The following KCNMB4 variants were observed in gnomAD, a reference collection of about 807,000 sequenced individuals.
KCNMB4 encodes potassium calcium-activated channel subfamily M regulatory beta subunit 4, also known as calcium-activated potassium channel subunit beta-4.
Under a neutral mutation model 20.7 loss-of-function variants are expected in KCNMB4, and 3 were observed. The observed-to-expected ratio is 0.14, with a 90% CI of 0.07 to 0.37. The LOEUF is 0.37. Among genes scored for constraint, KCNMB4 ranks in the 10% least tolerant of loss-of-function variants. KCNMB4 has a pLI of 1.00. For synonymous variants in KCNMB4, 110 were observed against 113.4 expected, an observed-to-expected ratio of 0.97 and a Z score of 0.19; for missense variants, 168 against 265.9, an observed-to-expected ratio of 0.63 and a Z score of 2.56.
chr12:70,421,051 CA>C (rs5798982), intron 2 of KCNMB4, among the ~76,000 whole-genome samples: 66,859 of 119,772 alleles, frequency 0.56, 15,730 homozygotes, highest in Middle Eastern at 0.66. Flanking sequence ...GACTCCGTCT[CA>C]AAAAAAAAAA....
chr12:70,392,719 A>G (rs1212247597), intron 1 of KCNMB4, among the ~76,000 whole-genome samples: 2 of 152,192 alleles, frequency 1.3e-5, no homozygotes, highest in Non-Finnish European at 2.9e-5. Flanking sequence ...ATTCTCAGCA[A>G]ACTAACACAG....
intron 1 of KCNMB4, among the ~76,000 whole-genome samples, chr12:70,395,047 A>G (rs1015589852): frequency 3.3e-5 from 5 of 152,126 alleles, no homozygotes; most frequent in Admixed American, 3.3e-4. Context: ...TGTCAAAAGT[A>G]TCACTAAAAT....
intron 2 of KCNMB4, among the ~76,000 whole-genome samples, chr12:70,422,393 A>T (rs961360837): frequency 9.9e-5 from 15 of 152,206 alleles, no homozygotes; most frequent in Admixed American, 7.2e-4. Flanking sequence ...TTCTGATGAA[A>T]TCAATGAATT....
chr12:70,388,311 ATACTGATTTC>A (rs1868273335), intron 1 of KCNMB4, among the ~76,000 whole-genome samples: 1 of 152,172 alleles, frequency 6.6e-6, no homozygotes, highest in African/African-American at 2.4e-5. Context: ...TTTCTTTGAT[ATACTGATTTC>A]TTTTCTTTTG....
chr12:70,395,135 T>C (rs1868340000), intron 1 of KCNMB4, among the ~76,000 whole-genome samples: 1 of 127,930 alleles, frequency 7.8e-6, no homozygotes, highest in African/African-American at 3.6e-5. Flanking sequence ...ATTAAACATG[T>C]GTTCCAGTAG....
rs931862398 is a variant in KCNMB4 at position 70,431,766 on chromosome 12, G to T, written c.*1113G>T. On this transcript the variant is annotated 3_prime_UTR_variant, in exon 3 of 3. Coordinates refer to ENST00000258111, the MANE Select transcript of KCNMB4 (RefSeq NM_014505.6). The stretch of plus-strand genomic sequence containing the variant: ...AAACTCAAATTCCAAGTATCAAATC[G>T]CAGGTCTCAGTGAACATCAAACCTA... 6 of 152,020 alleles carry T rather than the reference G, an allele frequency of 3.9e-5. No individual in the cohort carries two copies. Among genetic ancestry groups the T allele is most frequent in the African/African-American group, 1.4e-4 (6 of 41,394 alleles). 9.4% of individuals were successfully genotyped at this position (152,020 alleles called of 1,614,324 possible).
chr12:70,391,423 C>G (rs1044255416), intron 1 of KCNMB4, among the ~76,000 whole-genome samples: 6 of 152,046 alleles, frequency 3.9e-5, no homozygotes, highest in African/African-American at 1.2e-4. Context: ...ACCTCTCAAT[C>G]TCCTGACTAA....
intron 1 of KCNMB4, among the ~76,000 whole-genome samples, chr12:70,392,488 A>C (rs1448892333): frequency 6.6e-6 from 1 of 152,228 alleles, no homozygotes; most frequent in Non-Finnish European, 1.5e-5. Flanking sequence ...TACTGGGTGT[A>C]TACCCAAAGG....
Position 70,400,410 on chromosome 12 carries a change from A to G in KCNMB4, c.464+74A>G. On this transcript the variant is annotated intron_variant, in intron 2 of 2. Transcript: ENST00000258111. Reference sequence around the variant, plus strand: ...AGCTTATTACACTGTTATATCGTAGATTATGCCCACTTGACAGCATGGAGA... The same window carrying G: ...AGCTTATTACACTGTTATATCGTAGGTTATGCCCACTTGACAGCATGGAGA... 4.2e-6 allele frequency: 6 copies of G among 1,430,050 alleles called. 1 individual carries two copies. The highest frequency in any genetic ancestry group is 5.6e-6 in the Non-Finnish European group (6 of 1,065,064). 88.6% of individuals were successfully genotyped at this position (1,430,050 alleles called of 1,614,324 possible).
At chr12:70,430,421 A>G (rs1351442991) in intron 2 of KCNMB4, 64 bp from the exon 3 acceptor site, 38 of 1,564,678 alleles carry the variant, frequency 2.4e-5, no homozygotes, top group Admixed American at 3.6e-5. Context: ...TTTAGGTTGT[A>G]AAGAGTTTTT....
Position 70,416,107 on chromosome 12 carries a change from C to T in KCNMB4, c.465-14378C>T, listed in dbSNP as rs528023890. 5.4e-4 allele frequency among the ~76,000 whole-genome samples: 82 copies of T among 152,282 alleles called. 1 individual carries two copies. The highest frequency in any genetic ancestry group is 1.9e-3 in the African/African-American group (77 of 41,552). On this transcript the variant is annotated intron_variant, in intron 2 of 2. Transcript: ENST00000258111. ...TAGTGAAACCATTGGATCCTCAGCCCTTCCTGGTGTGTGTCAATGAGCTTA... is the reference window on the plus strand; with the variant it reads ...TAGTGAAACCATTGGATCCTCAGCCTTTCCTGGTGTGTGTCAATGAGCTTA...
At position 70,378,712 on chromosome 12, in the gene KCNMB4, T is replaced by C. The variant is rs549194131; in HGVS notation, c.336+11642T>C. The stretch of plus-strand genomic sequence containing the variant: ...CCACCATGCCCGGCTAATTTTTGTA[T>C]TTTTAGTAGAGACAAGGCTTCACCA... On this transcript the variant is annotated intron_variant, in intron 1 of 2. Coordinates refer to ENST00000258111, the MANE Select transcript of KCNMB4 (RefSeq NM_014505.6). Among the ~76,000 whole-genome samples the C allele has an allele frequency of 2.0e-5, 3 of 152,192 alleles. No homozygotes were observed. In the South Asian group the frequency reaches 6.2e-4, roughly 32 times the overall value.
chr12:70,372,975 A>G (rs564811576), intron 1 of KCNMB4, among the ~76,000 whole-genome samples: 1 of 152,306 alleles, frequency 6.6e-6, no homozygotes, highest in Non-Finnish European at 1.5e-5. Context: ...AAATGCAAGA[A>G]ACAAAGCTAT....
At chr12:70,397,699 C>T (rs1868367171) in intron 1 of KCNMB4, among the ~76,000 whole-genome samples, 1 of 152,266 alleles carries the variant, frequency 6.6e-6, no homozygotes, top group Non-Finnish European at 1.5e-5. Context: ...TTGAGAGAGA[C>T]ATTTCTTTTA....
intron 1 of KCNMB4, among the ~76,000 whole-genome samples, chr12:70,386,873 G>C (rs1868261499): frequency 6.6e-6 from 1 of 152,142 alleles, no homozygotes; most frequent in African/African-American, 2.4e-5. Context: ...ACCTCTATCT[G>C]TACACATGAG....
chr12:70,387,186 TAAA>T (rs1298791090), intron 1 of KCNMB4, among the ~76,000 whole-genome samples: 1 of 152,112 alleles, frequency 6.6e-6, no homozygotes, highest in East Asian at 1.9e-4. Context: ...AAATAAGTAA[TAAA>T]AATGTATCAT....
intron 2 of KCNMB4, among the ~76,000 whole-genome samples, chr12:70,419,753 T>C (rs1289618417): frequency 6.6e-6 from 1 of 151,982 alleles, no homozygotes; most frequent in Non-Finnish European, 1.5e-5. Context: ...AAAGGAAATA[T>C]CAAAGATGTA....
intron 1 of KCNMB4, among the ~76,000 whole-genome samples, chr12:70,379,887 A>G (rs562439949): frequency 3.7e-4 from 56 of 152,324 alleles, no homozygotes; most frequent in African/African-American, 1.3e-3. Context: ...TTGATCCTCT[A>G]TCCAGACCAC....
Position 70,434,039 on chromosome 12 carries a change from A to G in KCNMB4, c.*3386A>G, listed in dbSNP as rs1869434199. 1 of 152,214 alleles carries G rather than the reference A, an allele frequency of 6.6e-6. No homozygotes were observed. Among genetic ancestry groups the G allele is most frequent in the African/African-American group, 2.4e-5 (1 of 41,434 alleles). The allele number at this position is 152,214 out of a possible 1,614,324, so 9.4% of individuals were successfully genotyped here. ...AATGTTTGACTGCTGACATCTTTCA[A>G]GACTCACCTTTCCCTTCTCCCTTAT... On this transcript the variant is annotated 3_prime_UTR_variant, in exon 3 of 3. Coordinates refer to ENST00000258111, the MANE Select transcript of KCNMB4 (RefSeq NM_014505.6).
Sources: allele counts gnomAD v4.1 joint callset (sites outside exome capture counted in the v4.1 genomes callset), GRCh38; gene constraint gnomAD v4.1.1; transcripts MANE v1.5; gene names NCBI Gene and HGNC (gene_info 2026-07-23, HGNC 2026-07-21).